UST: variants seen among roughly 807,000 people sequenced by gnomAD.
The protein encoded by UST is uronyl 2-sulfotransferase, also known as chondroitin sulfate 2-O-sulfotransferase.
In UST, 21 loss-of-function variants were observed where a neutral mutation model predicts 45.6. The ratio of observed to expected loss-of-function variants is 0.46; its 90% CI spans 0.33 to 0.66. The LOEUF (loss-of-function observed/expected upper bound fraction) is 0.66, where lower values mean the gene tolerates loss of function less well. Ranked by LOEUF, UST falls within the 30% of genes least tolerant of loss-of-function variation. The probability of loss-of-function intolerance (pLI) is 0.02; values close to 1 mark genes in which losing one functional copy is unlikely to be tolerated. For synonymous variants in UST, 215 were observed against 200.6 expected, an observed-to-expected ratio of 1.07 and a Z score of -0.61; for missense variants, 463 against 512.4, an observed-to-expected ratio of 0.90 and a Z score of 0.93.
intron 7 of UST, 111 bp from the exon 8 acceptor site, chr6:149,073,722 A>G (rs375699736): frequency 1.6e-6 from 2 of 1,242,224 alleles, no homozygotes; most frequent in South Asian, 1.5e-5. Context: ...TTGGATATGC[A>G]GTTGCTTCCT....
chr6:148,773,105 A>G (rs1321700086), intron 1 of UST, among the ~76,000 whole-genome samples: 1 of 152,250 alleles, frequency 6.6e-6, no homozygotes. Context: ...AAAGTGCATT[A>G]CAATTTGAGA....
chr6:149,001,867 T>C (rs189885719), intron 5 of UST, among the ~76,000 whole-genome samples: 173 of 152,342 alleles, frequency 1.1e-3, no homozygotes, highest in African/African-American at 4.0e-3. Context: ...AGGTGAGTGG[T>C]GTTTAATGGA....
At chr6:148,953,482 A>G (rs1051582742) in intron 3 of UST, among the ~76,000 whole-genome samples, 4 of 152,208 alleles carry the variant, frequency 2.6e-5, no homozygotes, top group African/African-American at 4.8e-5. Context: ...ATAAGTGGGA[A>G]TAAAAAGAGT....
intron 1 of UST, among the ~76,000 whole-genome samples, chr6:148,864,888 CTGATGT>C (rs1778396819): frequency 2.6e-5 from 4 of 152,166 alleles, no homozygotes; most frequent in Admixed American, 2.6e-4. Context: ...TTCAGAAAGG[CTGATGT>C]CTATTTTCTC....
chr6:148,968,630 A>G (rs558019250), intron 5 of UST, among the ~76,000 whole-genome samples: 37 of 152,346 alleles, frequency 2.4e-4, no homozygotes, highest in African/African-American at 8.7e-4. Flanking sequence ...TGAATGGTGG[A>G]AAGCTTTTTC....
Position 148,855,243 on chromosome 6 carries a change from T to C in UST, c.248-31743T>C, listed in dbSNP as rs1462749352. ...GGGACACAGCCAAACCGTATCAGGG[T>C]CTTTCCTGGTTTTTACCCAGTGTGC... On this transcript the variant is annotated intron_variant, in intron 1 of 7. Transcript: ENST00000367463. Among the ~76,000 whole-genome samples, 3 of 152,164 alleles carry C rather than the reference T, an allele frequency of 2.0e-5. No homozygotes were observed. The East Asian group carries it at 5.8e-4, about 29-fold the overall frequency.
chr6:148,775,973 A>G (rs1378205595), intron 1 of UST, among the ~76,000 whole-genome samples: 1 of 152,186 alleles, frequency 6.6e-6, no homozygotes. Context: ...GGAGAACAGG[A>G]CGTATATATT....
At chr6:148,995,087 C>T (rs1387995166) in intron 5 of UST, among the ~76,000 whole-genome samples, 4 of 152,038 alleles carry the variant, frequency 2.6e-5, no homozygotes, top group African/African-American at 4.8e-5. Flanking sequence ...TGCAGTGGGG[C>T]GATCTCGGCT....
chr6:148,824,630 C>G (rs1032562788), intron 1 of UST, among the ~76,000 whole-genome samples: 19 of 150,848 alleles, frequency 1.3e-4, no homozygotes, highest in Admixed American at 3.3e-4. Flanking sequence ...TTTATTTTCA[C>G]TACCGCTGAG....
intron 7 of UST, among the ~76,000 whole-genome samples, chr6:149,058,249 G>A (rs1776596646): frequency 1.3e-5 from 2 of 152,136 alleles, no homozygotes; most frequent in Non-Finnish European, 2.9e-5. Context: ...TGCCCAGAGT[G>A]ACGGTGTCAG....
chr6:149,052,204 A>G (rs1314878552), intron 7 of UST, among the ~76,000 whole-genome samples: 1 of 152,188 alleles, frequency 6.6e-6, no homozygotes, highest in Non-Finnish European at 1.5e-5. Context: ...TTAAGTTTCA[A>G]CTAAATTGAA....
chr6:149,074,333 T>C lies in UST; in HGVS notation c.*217T>C, dbSNP rs1361959087. 1.2e-5 allele frequency: 7 copies of C among 579,122 alleles called. No homozygotes were observed. The highest frequency in any genetic ancestry group is 1.8e-5 in the Non-Finnish European group (6 of 330,798). The allele number at this position is 579,122 out of a possible 1,614,324, so 35.9% of individuals were successfully genotyped here. A position where few individuals can be genotyped will look rare whatever the true frequency, so the allele number is the denominator to read the frequency against. On this transcript the variant is annotated 3_prime_UTR_variant, in exon 8 of 8. Coordinates refer to ENST00000367463, the MANE Select transcript of UST (RefSeq NM_005715.3). The stretch of plus-strand genomic sequence containing the variant: ...CTTGGCTCTTTGGGTCTTTCCCGGG[T>C]ACACTAGATGGCTCCATCCCAAGGC...
intron 4 of UST, among the ~76,000 whole-genome samples, chr6:148,960,782 C>T (rs1251879590): frequency 6.6e-6 from 1 of 152,216 alleles, no homozygotes; most frequent in South Asian, 2.1e-4. Context: ...ACAGTAATCT[C>T]TACTATAATT....
At chr6:148,877,362 C>G (rs1328633326) in intron 1 of UST, among the ~76,000 whole-genome samples, 1 of 56,472 alleles carries the variant, frequency 1.8e-5, no homozygotes, top group African/African-American at 8.0e-5. Context: ...GTGCAGAGAT[C>G]GTGTATGAGT....
At chr6:148,977,916 G>GT (rs1442444984) in intron 5 of UST, among the ~76,000 whole-genome samples, 8 of 152,128 alleles carry the variant, frequency 5.3e-5, no homozygotes, top group Admixed American at 1.3e-4. Context: ...ATTTGAGAAT[G>GT]TATTTTGCCT....
chr6:149,061,994 T>C (rs930082001), intron 7 of UST, among the ~76,000 whole-genome samples: 1 of 152,256 alleles, frequency 6.6e-6, no homozygotes, highest in Admixed American at 6.5e-5. Flanking sequence ...AAATGTCTTT[T>C]TACCCAACAG....
chr6:149,042,099 G>GT (rs1409088206), intron 7 of UST, among the ~76,000 whole-genome samples: 1 of 152,176 alleles, frequency 6.6e-6, no homozygotes, highest in Non-Finnish European at 1.5e-5. Context: ...GCTACCTAAT[G>GT]TAATTATCAG....
chr6:148,780,249 G>A (rs1327093615), intron 1 of UST, among the ~76,000 whole-genome samples: 2 of 152,092 alleles, frequency 1.3e-5, no homozygotes, highest in Non-Finnish European at 2.9e-5. Flanking sequence ...CTGTTGTTGA[G>A]CAAGTTTATC....
Position 148,748,848 on chromosome 6 carries a change from G to A in UST, c.247+1171G>A, listed in dbSNP as rs1406695435. Among the ~76,000 whole-genome samples, 2 of 151,884 alleles carry A rather than the reference G, an allele frequency of 1.3e-5. No individual in the cohort carries two copies. Among genetic ancestry groups the A allele is most frequent in the African/African-American group, 4.8e-5 (2 of 41,322 alleles). On this transcript the variant is annotated intron_variant, in intron 1 of 7. Coordinates refer to ENST00000367463, the MANE Select transcript of UST (RefSeq NM_005715.3). This position sits in a 1 kb window ranked among gnomAD's most constrained non-coding sequence, Gnocchi z 5.3. ...CCCGGGCCAGCTGGAGGCTGCCACA[G>A]TTACCCCAAACGTCACTTCGTGGCA...
Sources: allele counts gnomAD v4.1 joint callset (sites outside exome capture counted in the v4.1 genomes callset), GRCh38; gene constraint gnomAD v4.1.1; non-coding constraint Gnocchi (gnomAD v3.1); transcripts MANE v1.5; gene names NCBI Gene and HGNC (gene_info 2026-07-23, HGNC 2026-07-21).